Variants in PIK3C2A observed in about 807,000 individuals in gnomAD.
PIK3C2A encodes phosphatidylinositol 4-phosphate 3-kinase C2 domain-containing subunit alpha.
A neutral mutation model predicts 204.5 loss-of-function variants in PIK3C2A; 97 were observed. The ratio of observed to expected loss-of-function variants is 0.47; its 90% CI spans 0.40 to 0.56. The LOEUF is 0.56. Ranked by LOEUF, PIK3C2A falls within the 20% of genes least tolerant of loss-of-function variation. The pLI is 0.00. For synonymous variants in PIK3C2A, 653 were observed against 664.4 expected, an observed-to-expected ratio of 0.98 and a Z score of 0.26; for missense variants, 1,735 against 1,969.2, an observed-to-expected ratio of 0.88 and a Z score of 2.25.
At chr11:17,104,057 T>C (rs926084088) in intron 23 of PIK3C2A, among the ~76,000 whole-genome samples, 3 of 152,196 alleles carry the variant, frequency 2.0e-5, no homozygotes, top group African/African-American at 7.2e-5. Flanking sequence ...ATGGCACGTG[T>C]ATGTCTATAA....
At chr11:17,126,500 C>T (rs1038283185) in intron 13 of PIK3C2A, among the ~76,000 whole-genome samples, 1 of 152,176 alleles carries the variant, frequency 6.6e-6, no homozygotes, top group African/African-American at 2.4e-5. Flanking sequence ...AAGATTGCAT[C>T]TTCAACAGAA....
At chr11:17,107,177 G>A (rs1180219648) in intron 22 of PIK3C2A, among the ~76,000 whole-genome samples, 1 of 152,138 alleles carries the variant, frequency 6.6e-6, no homozygotes, top group East Asian at 1.9e-4. Context: ...GCCGGGTGTC[G>A]TGGCGGAAGC....
intron 13 of PIK3C2A, among the ~76,000 whole-genome samples, chr11:17,124,844 T>C (rs1397491230): frequency 3.9e-5 from 6 of 152,198 alleles, no homozygotes; most frequent in Admixed American, 6.5e-5. Flanking sequence ...TTTTGTTCTG[T>C]AGAATTTTCC....
Position 17,134,994 on chromosome 11 carries a change from TG to T in PIK3C2A, c.1932del (p.Ser644ArgfsTer2). The T allele has an allele frequency of 6.2e-7, 1 of 1,614,146 alleles. No individual in the cohort carries two copies. On this transcript the variant is annotated frameshift_variant, in exon 11 of 33. Coordinates refer to ENST00000691414, the MANE Select transcript of PIK3C2A (RefSeq NM_002645.4). LOFTEE classifies it high-confidence loss of function. Reference protein sequence around the residue: ...SLNPENPVQVSINQLTAAIYD... With the variant: ...SLNPENPVQVXINQLTAAIYD... Reference sequence around the variant, plus strand: ...TAAATTGCTGCAGTTAATTGGTTTATGCTTACTTGAACAGGATTTTCAGGAT... The same window carrying T: ...TAAATTGCTGCAGTTAATTGGTTTATCTTACTTGAACAGGATTTTCAGGAT...
intron 22 of PIK3C2A, among the ~76,000 whole-genome samples, chr11:17,110,017 A>G (rs1189779315): frequency 6.6e-6 from 1 of 152,066 alleles, no homozygotes; most frequent in Non-Finnish European, 1.5e-5. Context: ...CAGTGATGCA[A>G]TCTCGGCTCA....
chr11:17,107,982 G>A (rs1175132242), intron 22 of PIK3C2A, among the ~76,000 whole-genome samples: 1 of 152,132 alleles, frequency 6.6e-6, no homozygotes, highest in Non-Finnish European at 1.5e-5. Context: ...AGTGATTCTA[G>A]TGCCTGAGCC....
At chr11:17,121,312 T>G (rs914348404) in intron 15 of PIK3C2A, among the ~76,000 whole-genome samples, 12 of 152,038 alleles carry the variant, frequency 7.9e-5, no homozygotes, top group African/African-American at 2.9e-4. Context: ...AGACAGGGTC[T>G]CACTATATTG....
intron 1 of PIK3C2A, among the ~76,000 whole-genome samples, chr11:17,186,239 T>A (rs1851746271): frequency 1.3e-5 from 2 of 152,246 alleles, no homozygotes; most frequent in South Asian, 4.1e-4. Flanking sequence ...GATAACCAAG[T>A]TAAAACTGCA....
rs544543761 is a variant in PIK3C2A at position 17,112,625 on chromosome 11, G to A, written c.3363C>T (p.Val1121=). The change falls in exon 21 of 33, where the codon GTC becomes GTT. Residue 1121 remains valine, a synonymous_variant. Coordinates refer to ENST00000691414, the MANE Select transcript of PIK3C2A (RefSeq NM_002645.4). ...CCATAGGGTCAGCATTCACCATTGT[G>A]ACTTTTAGGGGGACAGCATTAGAAC... ...FFSSNAVPLK[V]TMVNADPMGE... 190 of 1,558,564 alleles carry A rather than the reference G, an allele frequency of 1.2e-4. No homozygotes were observed. Among genetic ancestry groups the A allele is most frequent in the South Asian group, 6.7e-4 (56 of 83,402 alleles).
In PIK3C2A at chr11:17,155,597, A is replaced by T. The variant is rs1850563483; in HGVS notation, c.1098T>A (p.Thr366=). ...KDPNGTSSLP[T]GSSLLQEVEV... is the part of the protein sequence containing the mutation. ...CAACTTCTTGAAGAAGAGAACTTCC[A>T]GTTGGCAAACTACTGGTCCCATTTG... is the stretch of plus-strand genomic sequence containing the variant. Residue 366 remains threonine (T), a synonymous_variant, in exon 3 of 33, where the codon ACT becomes ACA. Transcript: ENST00000691414. The T allele has an allele frequency of 6.2e-7, 1 of 1,608,508 alleles. No homozygotes were observed. The highest frequency in any genetic ancestry group is 8.5e-7 in the Non-Finnish European group (1 of 1,175,794).
intron 12 of PIK3C2A, 62 bp downstream of exon 12, chr11:17,131,854 A>C: frequency 7.2e-7 from 1 of 1,381,494 alleles, no homozygotes; most frequent in African/African-American, 1.5e-5. Context: ...TAGGATGCAT[A>C]CATTGGAAAA....
intron 15 of PIK3C2A, among the ~76,000 whole-genome samples, chr11:17,120,928 G>T (rs1033190018): frequency 6.6e-6 from 1 of 152,052 alleles, no homozygotes; most frequent in Non-Finnish European, 1.5e-5. Context: ...TCCTGCCTCA[G>T]CCTCCCAAGT....
chr11:17,159,306 C>T (rs563300083), intron 2 of PIK3C2A, among the ~76,000 whole-genome samples: 2 of 152,302 alleles, frequency 1.3e-5, no homozygotes, highest in Non-Finnish European at 1.5e-5. Flanking sequence ...TATAACCACA[C>T]ACATTTTTTA....
intron 21 of PIK3C2A, among the ~76,000 whole-genome samples, chr11:17,111,239 G>C (rs1422509917): frequency 1.3e-5 from 2 of 152,118 alleles, no homozygotes; most frequent in African/African-American, 4.8e-5. Context: ...GCAACATGGA[G>C]AATCTGTGGG....
At chr11:17,110,383 T>C in intron 22 of PIK3C2A, 49 bp downstream of exon 22, 1 of 1,489,942 alleles carries the variant, frequency 6.7e-7, no homozygotes, top group Non-Finnish European at 9.1e-7. Flanking sequence ...CACTTTAAGC[T>C]AAGTTCAAGG....
At chr11:17,128,150 G>A (rs565907338) in intron 13 of PIK3C2A, among the ~76,000 whole-genome samples, 1 of 151,692 alleles carries the variant, frequency 6.6e-6, no homozygotes, top group South Asian at 2.1e-4. Flanking sequence ...CTACATAAGT[G>A]TTTGTTATTA....
At chr11:17,122,877 CAT>C (rs1849408402) in intron 13 of PIK3C2A, 64 bp from the exon 14 acceptor site, 1 of 702,706 alleles carries the variant, frequency 1.4e-6, no homozygotes, top group Non-Finnish European at 2.4e-6. Context: ...ATTTACAACA[CAT>C]GTAATGAATT....
chr11:17,131,452 T>C (rs1046255246), intron 12 of PIK3C2A, among the ~76,000 whole-genome samples: 9 of 141,616 alleles, frequency 6.4e-5, no homozygotes, highest in Non-Finnish European at 6.1e-5. Flanking sequence ...GATGGAGTCT[T>C]GCTCTGTTGC....
chr11:17,109,238 T>C (rs576686733), intron 22 of PIK3C2A, among the ~76,000 whole-genome samples: 2 of 152,360 alleles, frequency 1.3e-5, no homozygotes, highest in African/African-American at 2.4e-5. Context: ...CCTGATGGTA[T>C]TGCCTTTACA....
Sources: gnomAD v4.1 joint callset for allele counts (sites outside exome capture counted in the v4.1 genomes callset) on GRCh38, gnomAD v4.1.1 for gene constraint, MANE v1.5 for transcripts, NCBI Gene and HGNC (gene_info 2026-07-23, HGNC 2026-07-21) for gene names.